The following DOCK4 variants were observed in gnomAD, a reference collection of about 807,000 sequenced individuals.
The protein encoded by DOCK4 is dedicator of cytokinesis protein 4.
DOCK4 carries 97 observed loss-of-function variants against 268.1 expected under a neutral mutation model. The observed-to-expected ratio is 0.36, with a 90% CI of 0.31 to 0.43. DOCK4 has a LOEUF of 0.43. Ranked by LOEUF, DOCK4 falls within the 20% of genes least tolerant of loss-of-function variation. The pLI is 1.00. For synonymous variants in DOCK4, 954 were observed against 887.2 expected, an observed-to-expected ratio of 1.08 and a Z score of -1.34; for missense variants, 2,145 against 2,455.7, an observed-to-expected ratio of 0.87 and a Z score of 2.67.
intron 12 of DOCK4, among the ~76,000 whole-genome samples, chr7:111,931,178 T>A (rs1302676942): frequency 1.3e-5 from 2 of 152,110 alleles, no homozygotes; most frequent in African/African-American, 4.8e-5. Flanking sequence ...ATAAAGTGCA[T>A]ACATTTGGTT....
chr7:112,079,008 T>G (rs35518766), intron 1 of DOCK4, among the ~76,000 whole-genome samples: 39,193 of 151,924 alleles, frequency 0.26, 6,321 homozygotes, highest in Non-Finnish European at 0.37. Context: ...GCGCCTGTAA[T>G]CCCAGCTACT....
intron 51 of DOCK4, 67 bp downstream of exon 51, chr7:111,734,987 G>T: frequency 1.6e-6 from 2 of 1,273,268 alleles, no homozygotes; most frequent in Non-Finnish European, 1.1e-6. Flanking sequence ...AGGAATTCAG[G>T]ACAAACTGGA....
chr7:112,200,575 C>G (rs1211103573), intron 1 of DOCK4, among the ~76,000 whole-genome samples: 3 of 151,904 alleles, frequency 2.0e-5, no homozygotes, highest in Non-Finnish European at 1.5e-5. Context: ...CATGAAGTCA[C>G]TGTGATAGAA....
At chr7:111,919,691 T>C (rs1342997114) in intron 12 of DOCK4, among the ~76,000 whole-genome samples, 1 of 152,172 alleles carries the variant, frequency 6.6e-6, no homozygotes, top group Non-Finnish European at 1.5e-5. Flanking sequence ...TTCACAGACA[T>C]CAAGAATGAC....
At chr7:111,742,176 C>A (rs374960814) in intron 44 of DOCK4, 44 bp from the exon 45 acceptor site, 669 of 1,521,146 alleles carry the variant, frequency 4.4e-4, no homozygotes, top group Non-Finnish European at 5.6e-4. Flanking sequence ...CAATGACTAC[C>A]TCTCACTAAG....
intron 40 of DOCK4, among the ~76,000 whole-genome samples, chr7:111,759,760 T>G (rs1379659309): frequency 1.7e-5 from 2 of 118,108 alleles, no homozygotes; most frequent in African/African-American, 6.6e-5. Context: ...TTCTCTTCCA[T>G]TCCTCATTCC....
intron 32 of DOCK4, among the ~76,000 whole-genome samples, chr7:111,784,987 C>T (rs939929280): frequency 6.6e-6 from 1 of 152,158 alleles, no homozygotes; most frequent in African/African-American, 2.4e-5. Flanking sequence ...AAGAAGAAAG[C>T]TGTTTTGTCA....
chr7:112,005,993 G>C (rs374810140), intron 1 of DOCK4, among the ~76,000 whole-genome samples: 25 of 152,190 alleles, frequency 1.6e-4, no homozygotes, highest in African/African-American at 5.1e-4. Context: ...TCCCTTTCTT[G>C]AATCTTCTAC....
intron 5 of DOCK4, among the ~76,000 whole-genome samples, chr7:111,993,000 G>GTTATTTA (rs1321683439): frequency 1.3e-5 from 2 of 152,070 alleles, no homozygotes; most frequent in African/African-American, 2.4e-5. Flanking sequence ...TCTTGACTTT[G>GTTATTTA]TTATTTACAA....
chr7:111,728,373 C>A lies in DOCK4; in HGVS notation c.5829G>T (p.Lys1943Asn). Residue 1943 changes from lysine to asparagine, a missense_variant, in exon 53 of 53, where the codon AAG becomes AAT. Coordinates refer to ENST00000428084, the MANE Select transcript of DOCK4 (RefSeq NM_001363540.2). ...VTSEPPALPP[K>N]PLAARSSHLE... Reference sequence around the variant, plus strand: ...GGTGGCTGGATCGCGCTGCCAGAGGCTTGGGGGGCAGCGCGGGCGGCTCCG... The same window carrying A: ...GGTGGCTGGATCGCGCTGCCAGAGGATTGGGGGGCAGCGCGGGCGGCTCCG... The A allele has an allele frequency of 1.3e-6, 2 of 1,540,766 alleles. No homozygotes were observed. Among genetic ancestry groups the A allele is most frequent in the South Asian group, 1.3e-5 (1 of 78,972 alleles).
intron 1 of DOCK4, among the ~76,000 whole-genome samples, chr7:112,165,561 C>A (rs113990277): frequency 1.4e-5 from 1 of 72,034 alleles, no homozygotes; most frequent in Non-Finnish European, 3.2e-5. Context: ...TGTGTGTGTG[C>A]GTGTGTGTGT....
intron 21 of DOCK4, 74 bp from the exon 22 acceptor site, chr7:111,868,228 A>T (rs991240276): frequency 1.7e-6 from 2 of 1,185,318 alleles, no homozygotes; most frequent in Non-Finnish European, 2.3e-6. Flanking sequence ...CACGGCATAA[A>T]AACCATGGTA....
At chr7:111,766,774 A>T (rs1042571733) in intron 38 of DOCK4, among the ~76,000 whole-genome samples, 1 of 152,202 alleles carries the variant, frequency 6.6e-6, no homozygotes, top group Non-Finnish European at 1.5e-5. Flanking sequence ...CAATAAACTA[A>T]AAGTGTTAAT....
Position 111,769,564 on chromosome 7 carries a change from G to A in DOCK4, c.3793C>T (p.His1265Tyr), listed in dbSNP as rs1585928716. The part of the protein sequence containing the change: ...QTEWQRKEHL[H>Y]LTIIQNFDRG... Reference sequence around the variant, plus strand: ...TCAAAGTTCTGGATGATGGTGAGGTGCAGGTGCTCTTTGCGCTGCCATTCT... The same window carrying A: ...TCAAAGTTCTGGATGATGGTGAGGTACAGGTGCTCTTTGCGCTGCCATTCT... The change falls in exon 37 of 53, where the codon CAC (histidine) becomes TAC (tyrosine). Residue 1265 changes from histidine (H) to tyrosine (Y), a missense_variant. Physicochemically the swap from His to Tyr is moderately conservative, Grantham distance 83. Coordinates refer to ENST00000428084, the MANE Select transcript of DOCK4 (RefSeq NM_001363540.2). 2 of 1,613,780 alleles carry A rather than the reference G, an allele frequency of 1.2e-6. No homozygotes were observed. Among genetic ancestry groups the A allele is most frequent in the East Asian group, 2.2e-5 (1 of 44,866 alleles).
At chr7:111,954,433 A>G (rs1796297662) in intron 8 of DOCK4, among the ~76,000 whole-genome samples, 1 of 152,150 alleles carries the variant, frequency 6.6e-6, no homozygotes, top group Non-Finnish European at 1.5e-5. Flanking sequence ...ACAGGGAATG[A>G]TCAGTGGTAA....
chr7:111,791,100 A>ATATATATATATATAT (rs67130458), intron 30 of DOCK4, among the ~76,000 whole-genome samples: 4 of 124,198 alleles, frequency 3.2e-5, no homozygotes, highest in African/African-American at 9.1e-5. Context: ...ATATATATAT[A>ATATATATATATATAT]AAATAAATCA....
chr7:111,911,071 C>T (rs1478094230), intron 13 of DOCK4, among the ~76,000 whole-genome samples: 1 of 152,216 alleles, frequency 6.6e-6, no homozygotes, highest in East Asian at 1.9e-4. Flanking sequence ...ATAATTCATT[C>T]TGCAGAGAGG....
intron 50 of DOCK4, among the ~76,000 whole-genome samples, chr7:111,736,526 C>T (rs971701114): frequency 6.6e-6 from 1 of 152,116 alleles, no homozygotes; most frequent in African/African-American, 2.4e-5. Flanking sequence ...CATGAGTTGG[C>T]TGAATGAGCT....
intron 10 of DOCK4, among the ~76,000 whole-genome samples, chr7:111,944,104 G>A (rs554497094): frequency 7.8e-4 from 119 of 152,222 alleles, no homozygotes; most frequent in Non-Finnish European, 1.2e-3. Flanking sequence ...GTTTTTAGAG[G>A]CATTTTATGT....
Sources: allele counts gnomAD v4.1 joint callset (sites outside exome capture counted in the v4.1 genomes callset), GRCh38; gene constraint gnomAD v4.1.1; transcripts MANE v1.5; gene names NCBI Gene and HGNC (gene_info 2026-07-23, HGNC 2026-07-21).